Variants in MPHOSPH8 observed in about 807,000 individuals in gnomAD.
MPHOSPH8 encodes M-phase phosphoprotein, mpp.
MPHOSPH8 carries 45 observed loss-of-function variants against 87.3 expected under a neutral mutation model. The ratio of observed to expected loss-of-function variants is 0.52; its 90% CI spans 0.41 to 0.66. The LOEUF is 0.66. Among genes scored for constraint, MPHOSPH8 ranks in the 30% least tolerant of loss-of-function variants. The probability of loss-of-function intolerance (pLI) is 0.00; values close to 1 mark genes in which losing one functional copy is unlikely to be tolerated. For missense variants in MPHOSPH8, 883 were observed against 1,020.2 expected, an observed-to-expected ratio of 0.87 and a Z score of 1.83; for synonymous variants, 366 against 376.9, an observed-to-expected ratio of 0.97 and a Z score of 0.33.
At chr13:19,671,379 C>T (rs1876117716) in intron 13 of MPHOSPH8, 90 bp downstream of exon 13, 1 of 1,153,732 alleles carries the variant, frequency 8.7e-7, no homozygotes. Context: ...TCCAAGAATC[C>T]TGGTGTACCT....
At chr13:19,660,919 A>T in intron 7 of MPHOSPH8, 1 of 985,190 alleles carries the variant, frequency 1.0e-6, no homozygotes, top group Non-Finnish European at 1.2e-6. Flanking sequence ...GTATGGTGCA[A>T]ACTTTTCATG....
chr13:19,635,047 T>G (rs1358758313), intron 1 of MPHOSPH8, among the ~76,000 whole-genome samples: 1 of 152,154 alleles, frequency 6.6e-6, no homozygotes, highest in Non-Finnish European at 1.5e-5. Context: ...CTATGAGGAG[T>G]TAAGTAATTA....
At chr13:19,634,111 C>A in intron 1 of MPHOSPH8, 150 bp downstream of exon 1, 1 of 851,888 alleles carries the variant, frequency 1.2e-6, no homozygotes, top group Non-Finnish European at 1.9e-6. Context: ...GTGGGAAAAG[C>A]GAAGTGACAT....
rs1875945917 is a variant in MPHOSPH8, at chr13:19,668,546, C to T, written c.2329+15C>T. On this transcript the variant is annotated intron_variant, in intron 11 of 13. Transcript: ENST00000361479. The stretch of plus-strand genomic sequence containing the variant: ...CATACCAGAAGGTAAGCCGATGCCT[C>T]CCTTCACACTTTTCTATGTGAAGTG... 6.2e-7 allele frequency: 1 copy of T among 1,606,388 alleles called. No homozygotes were observed. Among genetic ancestry groups the T allele is most frequent in the Admixed American group, 1.7e-5 (1 of 58,482 alleles).
rs1324027754 is a variant in MPHOSPH8 at position 19,661,715 on chromosome 13, A to G, written c.1809A>G (p.Thr603=). Residue 603 remains threonine (T), a synonymous_variant, in exon 8 of 14, where the codon ACA becomes ACG. Transcript: ENST00000361479. The part of the protein sequence containing the change: ...NLDQEDSSGM[T]LVMLAAAGGQ... ...CAACACAGGATTCCAGTGGAATGAC[A>G]CTGGTGATGCTTGCCGCCGCCGGAG... 6.2e-7 allele frequency: 1 copy of G among 1,606,758 alleles called. No individual in the cohort carries two copies. The highest frequency in any genetic ancestry group is 8.5e-7 in the Non-Finnish European group (1 of 1,175,154).
intron 7 of MPHOSPH8, among the ~76,000 whole-genome samples, chr13:19,659,955 A>ATTTTT (rs34817892): frequency 1.2e-4 from 7 of 59,128 alleles, no homozygotes; most frequent in African/African-American, 1.8e-4. Context: ...ATATGTATGG[A>ATTTTT]TTTTTTTTTT....
chr13:19,634,067 G>A (rs1873861300), intron 1 of MPHOSPH8, 106 bp downstream of exon 1: 2 of 1,184,780 alleles, frequency 1.7e-6, no homozygotes, highest in Non-Finnish European at 1.2e-6. Context: ...GAGCGGGGGA[G>A]GAATGTGAGA....
chr13:19,657,509 A>G (rs1270152593), intron 5 of MPHOSPH8, among the ~76,000 whole-genome samples: 2 of 151,638 alleles, frequency 1.3e-5, no homozygotes, highest in Non-Finnish European at 2.9e-5. Flanking sequence ...TGGAGGTTGC[A>G]GTGAGCCGAG....
In MPHOSPH8 at chr13:19,658,998, G is replaced by A; in HGVS notation, c.1580G>A (p.Gly527Asp). The stretch of plus-strand genomic sequence containing the variant: ...ACAAGGCTATTGTGTGTTCCAGATG[G>A]CAGGCAGCAGATTCTGAGTTTGGGC... ...SVCQADENSD[G>D]RQQILSLGMD... The change falls in exon 6 of 14, where the codon GGC becomes GAC. Residue 527 changes from glycine to aspartate, a missense_variant. Transcript: ENST00000361479. 6.2e-7 allele frequency: 1 copy of A among 1,612,430 alleles called. No individual in the cohort carries two copies. Among genetic ancestry groups the A allele is most frequent in the Non-Finnish European group, 8.5e-7 (1 of 1,179,634 alleles).
rs1402540885 is a variant in MPHOSPH8, at chr13:19,659,106, A to T, written c.1688A>T (p.Asp563Val). 1.2e-6 allele frequency: 2 copies of T among 1,614,062 alleles called. No homozygotes were observed. Among genetic ancestry groups the T allele is most frequent in the Non-Finnish European group, 1.7e-6 (2 of 1,180,012 alleles). The part of the protein sequence containing the change: ...DGKDENFAAT[D>V]AIPSNVLRDA... The stretch of plus-strand genomic sequence containing the variant: ...AAAGATGAGAATTTTGCTGCAACAG[A>T]TGCAATTCCAAGTAGTGAGTAGTTT... Residue 563 changes from aspartate (D) to valine (V), a missense_variant, in exon 6 of 14, where the codon GAT becomes GTT. Coordinates refer to ENST00000361479, the MANE Select transcript of MPHOSPH8 (RefSeq NM_017520.4).
chr13:19,659,147 C>A, intron 6 of MPHOSPH8, 27 bp downstream of exon 6: 1 of 1,611,282 alleles, frequency 6.2e-7, no homozygotes, highest in Non-Finnish European at 8.5e-7. Flanking sequence ...ATATTGAAAT[C>A]CCTTTCACAA....
At chr13:19,659,525 A>G in intron 7 of MPHOSPH8, 1 of 447,112 alleles carries the variant, frequency 2.2e-6, no homozygotes, top group Non-Finnish European at 4.1e-6. Context: ...TTAGCTGGAC[A>G]TGGTGGTGTA....
intron 2 of MPHOSPH8, among the ~76,000 whole-genome samples, chr13:19,645,683 G>T (rs989707675): frequency 2.0e-5 from 3 of 151,032 alleles, no homozygotes; most frequent in African/African-American, 7.3e-5. Context: ...TTGAACCCAG[G>T]AGGCAGGGGT....
chr13:19,645,510 C>T (rs1014595389), intron 2 of MPHOSPH8, among the ~76,000 whole-genome samples: 8 of 152,050 alleles, frequency 5.3e-5, no homozygotes, highest in African/African-American at 1.9e-4. Flanking sequence ...CGTGGCTCAC[C>T]CCTGTAATCC....
At chr13:19,668,277 C>CT in intron 10 of MPHOSPH8, 100 bp from the exon 11 acceptor site, 1 of 1,040,666 alleles carries the variant, frequency 9.6e-7, no homozygotes, top group Non-Finnish European at 1.4e-6. Flanking sequence ...AGCTGCAGGT[C>CT]TTTGTTTGGA....
intron 5 of MPHOSPH8, among the ~76,000 whole-genome samples, chr13:19,658,413 G>A (rs1875317505): frequency 6.6e-6 from 1 of 152,216 alleles, no homozygotes; most frequent in South Asian, 2.1e-4. Flanking sequence ...CTGAACACAT[G>A]CGTCCTCAGT....
At position 19,646,502 on chromosome 13, in the gene MPHOSPH8, G is replaced by T; in HGVS notation, c.429G>T (p.Glu143Asp). The change falls in exon 3 of 14, where the codon GAG becomes GAT. Residue 143 changes from glutamate (E) to aspartate (D), a missense_variant. By Grantham distance (45) the Glu-to-Asp change is conservative (BLOSUM62 2). This residue lies in a region of MPHOSPH8 where 741 missense variants were observed against 841.5 expected (regional missense o/e 0.88). Transcript: ENST00000361479. ...ACTCTGATAGCGATCAGCAAAGTGA[G>T]ACAAAAGAAGATACTTCCCCAAAGA... ...EANSDSDQQSETKEDTSPKKK... is the reference protein window; with the variant it reads ...EANSDSDQQSDTKEDTSPKKK... 6.4e-7 allele frequency: 1 copy of T among 1,565,882 alleles called. No homozygotes were observed. Among genetic ancestry groups the T allele is most frequent in the Non-Finnish European group, 8.6e-7 (1 of 1,167,184 alleles).
rs115067515 is a variant in MPHOSPH8, at chr13:19,634,311, C to T, written c.213+350C>T. 2.5e-3 allele frequency among the ~76,000 whole-genome samples: 383 copies of T among 152,278 alleles called. 1 individual carries two copies. The highest frequency in any genetic ancestry group is 8.7e-3 in the African/African-American group (361 of 41,544). On this transcript the variant is annotated intron_variant, in intron 1 of 13. Coordinates refer to ENST00000361479, the MANE Select transcript of MPHOSPH8 (RefSeq NM_017520.4). ...TGAAGTAATGCTTCTCGTCGTAGTC[C>T]ACTGTCCACGCCATCGTTACAGTGT...
At chr13:19,671,177 C>A in intron 12 of MPHOSPH8, 29 bp from the exon 13 acceptor site, 1 of 1,607,618 alleles carries the variant, frequency 6.2e-7, no homozygotes, top group Non-Finnish European at 8.5e-7. Flanking sequence ...TTTGAAAACA[C>A]TGACTTTTTT....
Sources: allele counts gnomAD v4.1 joint callset (sites outside exome capture counted in the v4.1 genomes callset), GRCh38; gene constraint gnomAD v4.1.1; regional missense constraint gnomAD v4.1.1; transcripts MANE v1.5; gene names NCBI Gene and HGNC (gene_info 2026-07-23, HGNC 2026-07-21).